The following PCDH11X variants were observed in gnomAD, a reference collection of about 807,000 sequenced individuals.
PCDH11X encodes protocadherin-11 X-linked.
Under a neutral mutation model 53.3 loss-of-function variants are expected in PCDH11X, and 18 were observed. The observed-to-expected ratio is 0.34, with a 90% CI of 0.23 to 0.50. The LOEUF (loss-of-function observed/expected upper bound fraction) is 0.50. PCDH11X is among the 20% of genes least tolerant of loss of function. The pLI, the probability that PCDH11X is intolerant of heterozygous loss-of-function variation, is 0.98. For synonymous variants in PCDH11X, 279 were observed against 393.3 expected (o/e 0.71, Z 3.44); for missense variants, 570 against 1,032.4 (o/e 0.55, Z 6.14).
At position 92,259,229 on chromosome X, in the gene PCDH11X, T is replaced by C. The variant is rs1282084630; in HGVS notation, c.3115-3885T>C. Among the ~76,000 whole-genome samples, 4 of 111,435 alleles carry C rather than the reference T, an allele frequency of 3.6e-5. No individual in the cohort carries two copies. The East Asian group carries it at 1.1e-3, about 32-fold the overall frequency. ...ACATTTTCAGGTATCTTTGTTACAA[T>C]GTCCCACTCCTTGTACCAATTTTCT... is the stretch of plus-strand genomic sequence containing the variant. On this transcript the variant is annotated intron_variant, in intron 7 of 10. Transcript: ENST00000682573.
intron 1 of PCDH11X, among the ~76,000 whole-genome samples, chrX:91,795,708 C>T (rs1025237175): frequency 2.2e-4 from 25 of 111,318 alleles, no homozygotes; most frequent in Non-Finnish European, 3.8e-4. Context: ...TTAAATTTTA[C>T]GGAAATATCA....
At chrX:92,476,948 G>GTC (rs1308893215) in intron 10 of PCDH11X, among the ~76,000 whole-genome samples, 1 of 37,498 alleles carries the variant, frequency 2.7e-5, no homozygotes, top group African/African-American at 2.4e-4. Context: ...AAAAAATGGA[G>GTC]TCTCTCTCTC....
intron 9 of PCDH11X, among the ~76,000 whole-genome samples, chrX:92,419,029 T>C (rs1455607264): frequency 2.8e-5 from 3 of 107,767 alleles, no homozygotes; most frequent in African/African-American, 1.0e-4. Context: ...ATTGGGGTTT[T>C]TTTTTTTTCA....
chrX:92,588,901 A>G (rs1924706993), intron 10 of PCDH11X, among the ~76,000 whole-genome samples: 1 of 110,886 alleles, frequency 9.0e-6, no homozygotes, highest in African/African-American at 3.3e-5. Flanking sequence ...CAAGGACTAA[A>G]AAAAGATCCT....
At chrX:91,827,883 G>C (rs1209840194) in intron 4 of PCDH11X, among the ~76,000 whole-genome samples, 1 of 107,493 alleles carries the variant, frequency 9.3e-6, no homozygotes, top group Non-Finnish European at 1.9e-5. Flanking sequence ...GATGCCTCAT[G>C]TTTCGTTCTT....
At chrX:92,256,692 T>C (rs1413251025) in intron 7 of PCDH11X, among the ~76,000 whole-genome samples, 2 of 111,186 alleles carry the variant, frequency 1.8e-5, no homozygotes, top group Non-Finnish European at 3.8e-5. Context: ...TAGCTATTCT[T>C]CTTGATACTC....
At chrX:92,224,401 A>T (rs560953083) in intron 7 of PCDH11X, among the ~76,000 whole-genome samples, 2 of 111,966 alleles carry the variant, frequency 1.8e-5, no homozygotes, top group Admixed American at 1.9e-4. Context: ...TAACATATGC[A>T]TTTTGTTAAA....
intron 6 of PCDH11X, among the ~76,000 whole-genome samples, chrX:91,934,165 TTGTC>T (rs1173179703): frequency 9.0e-6 from 1 of 110,825 alleles, no homozygotes; most frequent in Non-Finnish European, 1.9e-5. Flanking sequence ...GGCTTTGTCT[TTGTC>T]TTTCTTTTAG....
intron 6 of PCDH11X, among the ~76,000 whole-genome samples, chrX:92,190,112 T>C (rs541262401): frequency 8.9e-5 from 10 of 112,186 alleles, no homozygotes; most frequent in African/African-American, 3.2e-4. Context: ...TTGCTGTTGG[T>C]GTTTTCATCA....
At chrX:92,012,043 G>C (rs1273576002) in intron 6 of PCDH11X, among the ~76,000 whole-genome samples, 2 of 110,787 alleles carry the variant, frequency 1.8e-5, no homozygotes, top group Non-Finnish European at 3.8e-5. Context: ...AGTCAATCTT[G>C]ACATATGGGG....
intron 8 of PCDH11X, among the ~76,000 whole-genome samples, chrX:92,319,822 A>G (rs892872830): frequency 3.6e-5 from 4 of 112,146 alleles, no homozygotes; most frequent in Non-Finnish European, 7.5e-5. Flanking sequence ...TCAATGATAA[A>G]TTAAAATTTA....
At chrX:91,805,299 C>T (rs1398677954) in intron 1 of PCDH11X, among the ~76,000 whole-genome samples, 1 of 110,634 alleles carries the variant, frequency 9.0e-6, no homozygotes, top group Non-Finnish European at 1.9e-5. Context: ...AATCTTCTGG[C>T]GTTCTTTAAA....
At chrX:91,955,439 C>T (rs182837255) in intron 6 of PCDH11X, among the ~76,000 whole-genome samples, 263 of 110,668 alleles carry the variant, frequency 2.4e-3, no homozygotes, top group African/African-American at 8.2e-3. Flanking sequence ...TTCCCTTTGG[C>T]GGTGTCCCAG....
intron 6 of PCDH11X, among the ~76,000 whole-genome samples, chrX:92,160,641 C>CTTTTTT (rs529782445): frequency 1.1e-5 from 1 of 87,876 alleles, no homozygotes; most frequent in Non-Finnish European, 2.2e-5. Context: ...ATTTTTTTTT[C>CTTTTTT]TTTTTTTTTT....
chrX:92,572,857 C>T (rs1387758318), intron 10 of PCDH11X, among the ~76,000 whole-genome samples: 2 of 104,366 alleles, frequency 1.9e-5, no homozygotes, highest in African/African-American at 7.1e-5. Flanking sequence ...GCACTTTAGC[C>T]TGGGTGACAG....
rs1329453524 is a variant in PCDH11X, at chrX:92,407,954, C to A, written c.3343+20021C>A. On this transcript the variant is annotated intron_variant, in intron 9 of 10. Coordinates refer to ENST00000682573, the MANE Select transcript of PCDH11X (RefSeq NM_032968.5). Reference sequence around the variant, plus strand: ...AGGCTGGAGTGCAGTGGCATAATCTCGGCTCACTGAAACCTCTGCCTCCGG... The same window carrying A: ...AGGCTGGAGTGCAGTGGCATAATCTAGGCTCACTGAAACCTCTGCCTCCGG... Among the ~76,000 whole-genome samples the A allele has an allele frequency of 2.8e-5, 3 of 108,863 alleles. No individual in the cohort carries two copies. The South Asian group carries it at 1.2e-3, about 45-fold the overall frequency. The allele number at this position is 108,863 out of a possible 115,157, so 94.5% of individuals were successfully genotyped here. A position where few individuals can be genotyped will look rare whatever the true frequency, so the allele number is the denominator to read the frequency against.
intron 6 of PCDH11X, among the ~76,000 whole-genome samples, chrX:91,971,883 AAC>A (rs1281255731): frequency 9.0e-6 from 1 of 111,549 alleles, no homozygotes; most frequent in African/African-American, 3.3e-5. Context: ...TTAGAAATAA[AAC>A]TACCTGAAAT....
chrX:92,575,936 TATATATATAC>T (rs1184376225), intron 10 of PCDH11X, among the ~76,000 whole-genome samples: 4 of 26,226 alleles, frequency 1.5e-4, no homozygotes, highest in African/African-American at 7.8e-4. Flanking sequence ...TATATATATA[TATATATATAC>T]ACACACACAC....
chrX:91,808,293 G>A (rs1220698876), intron 1 of PCDH11X, among the ~76,000 whole-genome samples: 1 of 107,395 alleles, frequency 9.3e-6, no homozygotes, highest in Admixed American at 1.0e-4. Context: ...TCAGGAGTTC[G>A]AGACCAGCCT....
Sources: gnomAD v4.1 joint callset for allele counts (sites outside exome capture counted in the v4.1 genomes callset) on GRCh38, gnomAD v4.1.1 for gene constraint, MANE v1.5 for transcripts, NCBI Gene and HGNC (gene_info 2026-07-23, HGNC 2026-07-21) for gene names.